BIN3: variants seen among roughly 807,000 people sequenced by gnomAD.
BIN3 encodes bridging integrator 3.
In BIN3, 41 loss-of-function variants were observed where a neutral mutation model predicts 38.2. The observed-to-expected ratio is 1.07, with a 90% confidence interval of 0.84 to 1.39. The LOEUF (loss-of-function observed/expected upper bound fraction) is 1.39, where lower values mean the gene tolerates loss of function less well. BIN3 is among the 40% of genes most tolerant of loss of function. The pLI, the probability that BIN3 is intolerant of heterozygous loss-of-function variation, is 0.00. For synonymous variants in BIN3, 145 were observed against 122.6 expected, an observed-to-expected ratio of 1.18 and a Z score of -1.21; for missense variants, 361 against 324.3, an observed-to-expected ratio of 1.11 and a Z score of -0.87.
chr8:22,626,925 C>G (rs1396683697), intron 6 of BIN3, among the ~76,000 whole-genome samples: 1 of 152,154 alleles, frequency 6.6e-6, no homozygotes, highest in African/African-American at 2.4e-5. Flanking sequence ...AGCGGAGTGC[C>G]GAGCGGGGGT....
chr8:22,650,645 C>T (rs1802861235), intron 1 of BIN3, among the ~76,000 whole-genome samples: 1 of 152,204 alleles, frequency 6.6e-6, no homozygotes. Context: ...ACTCCCTAAT[C>T]TCATTTGCCA....
At chr8:22,624,140 C>T (rs1585175747) in intron 7 of BIN3, 82 bp downstream of exon 7, 7 of 1,587,388 alleles carry the variant, frequency 4.4e-6, no homozygotes, top group East Asian at 2.2e-5. Context: ...GTCTTGGTGC[C>T]CCCAGGTGAG....
Position 22,621,170 on chromosome 8 carries a change from G to T in BIN3, c.*252C>A. 2.0e-6 allele frequency: 1 copy of T among 509,838 alleles called. No homozygotes were observed. 31.6% of individuals were successfully genotyped at this position (509,838 alleles called of 1,614,324 possible). On this transcript the variant is annotated 3_prime_UTR_variant, in exon 9 of 9. Coordinates refer to ENST00000276416, the MANE Select transcript of BIN3 (RefSeq NM_018688.6). ...AGGCCGTGGGCCAGGATGCATGCTG[G>T]ACGGTTCTCCAAATAAAAAAGCCCC... is the stretch of plus-strand genomic sequence containing the variant.
At position 22,623,908 on chromosome 8, in the gene BIN3, G is replaced by A. The variant is rs1285852431; in HGVS notation, c.615+7C>T. ...AAGCCCAGGGGAAGAGCACCTGGCG[G>A]CCTCACCTGAGCTCGGATGAGGGAC... On this transcript the variant is annotated splice_region_variant and intron_variant, in intron 8 of 8. Coordinates refer to ENST00000276416, the MANE Select transcript of BIN3 (RefSeq NM_018688.6). 3 of 1,610,938 alleles carry A rather than the reference G, an allele frequency of 1.9e-6. No individual in the cohort carries two copies. Among genetic ancestry groups the A allele is most frequent in the East Asian group, 4.5e-5 (2 of 44,828 alleles).
intron 1 of BIN3, among the ~76,000 whole-genome samples, chr8:22,667,509 T>A (rs1371698293): frequency 6.6e-6 from 1 of 152,162 alleles, no homozygotes; most frequent in Non-Finnish European, 1.5e-5. Flanking sequence ...CTCCAAAGAT[T>A]CAAGACGCAG....
chr8:22,631,180 G>A (rs1349066065), intron 4 of BIN3, among the ~76,000 whole-genome samples: 1 of 152,114 alleles, frequency 6.6e-6, no homozygotes, highest in East Asian at 1.9e-4. Flanking sequence ...GTCAGATTAG[G>A]CCAGCAGCTG....
chr8:22,640,676 G>A lies in BIN3; in HGVS notation c.58-3714C>T, dbSNP rs571121521. Among the ~76,000 whole-genome samples, 13 of 152,318 alleles carry A rather than the reference G, an allele frequency of 8.5e-5. No individual in the cohort carries two copies. The East Asian group carries it at 2.1e-3, about 25-fold the overall frequency. ...TGCTGAGTGTTAGCTGAACCCCGGG[G>A]CCCTAGCCTTTGGCTCCCTTCCTCC... On this transcript the variant is annotated intron_variant, in intron 2 of 8. Transcript: ENST00000276416.
intron 1 of BIN3, 50 bp downstream of exon 1, chr8:22,668,994 C>T: frequency 6.4e-7 from 1 of 1,557,342 alleles, no homozygotes; most frequent in South Asian, 1.2e-5. Context: ...GGGCCAGGGG[C>T]CTCGCGGGTC....
intron 4 of BIN3, chr8:22,634,473 T>C: frequency 2.2e-6 from 1 of 456,266 alleles, no homozygotes; most frequent in Non-Finnish European, 4.4e-6. Context: ...TTGTGATCAG[T>C]GCTTTGTAGG....
chr8:22,625,746 C>T (rs1457985908), intron 6 of BIN3: 6 of 221,952 alleles, frequency 2.7e-5, no homozygotes, highest in Admixed American at 4.7e-5. Context: ...TGCCACTACG[C>T]CCAGCTAATT....
intron 6 of BIN3, chr8:22,624,893 G>A: frequency 4.6e-6 from 1 of 219,512 alleles, no homozygotes; most frequent in Non-Finnish European, 9.2e-6. Flanking sequence ...GAACACAGGT[G>A]TCCACATTCT....
chr8:22,644,881 C>T (rs774627805), intron 1 of BIN3, 78 bp from the exon 2 acceptor site: 1 of 1,299,834 alleles, frequency 7.7e-7, no homozygotes. Flanking sequence ...ACAGTACAGG[C>T]CACTTTCCCC....
intron 2 of BIN3, 46 bp from the exon 3 acceptor site, chr8:22,637,008 G>T (rs1454951626): frequency 1.1e-5 from 18 of 1,588,542 alleles, no homozygotes; most frequent in Non-Finnish European, 1.5e-5. Context: ...TGACAACACG[G>T]TGGAAAAAAC....
intron 4 of BIN3, among the ~76,000 whole-genome samples, chr8:22,633,938 G>C (rs1305905593): frequency 6.6e-6 from 1 of 152,240 alleles, no homozygotes; most frequent in Admixed American, 6.5e-5. Flanking sequence ...GGACAGTAGT[G>C]TTAGGCTTCT....
intron 2 of BIN3, among the ~76,000 whole-genome samples, chr8:22,641,877 T>C (rs556466104): frequency 6.6e-6 from 1 of 152,278 alleles, no homozygotes; most frequent in South Asian, 2.1e-4. Context: ...TGGCGGCTTC[T>C]TCCTACGCTA....
At position 22,638,845 on chromosome 8, in the gene BIN3, CAG is replaced by C. The variant is rs1802451514; in HGVS notation, c.58-1885_58-1884del. 2.0e-5 allele frequency among the ~76,000 whole-genome samples: 3 copies of C among 152,348 alleles called. 1 individual carries two copies. In the South Asian group the frequency reaches 6.2e-4, roughly 32 times the overall value. On this transcript the variant is annotated intron_variant, in intron 2 of 8. Transcript: ENST00000276416. Reference sequence around the variant, plus strand: ...CTACAATCTTTCTTCCTCTTTTCAACAGACTCTTTCTCCATCCAGGAACCCAC... The same window carrying C: ...CTACAATCTTTCTTCCTCTTTTCAACACTCTTTCTCCATCCAGGAACCCAC...
At chr8:22,646,873 T>G (rs1802728791) in intron 1 of BIN3, among the ~76,000 whole-genome samples, 1 of 147,590 alleles carries the variant, frequency 6.8e-6, no homozygotes, top group South Asian at 2.1e-4. Context: ...CAAGGACCAT[T>G]CTGGAGACAG....
At position 22,621,485 on chromosome 8, in the gene BIN3, C is replaced by G. The variant is rs766426655; in HGVS notation, c.699G>C (p.Arg233=). The G allele has an allele frequency of 6.2e-7, 1 of 1,613,960 alleles. No individual in the cohort carries two copies. The highest frequency in any genetic ancestry group is 8.5e-7 in the Non-Finnish European group (1 of 1,179,886). Reference sequence around the variant, plus strand: ...TGAGTTTGGCCTCGTTCTCCCGCTCCCGCTGCTCATCGGAGTGGCCTGGCT... The same window carrying G: ...TGAGTTTGGCCTCGTTCTCCCGCTCGCGCTGCTCATCGGAGTGGCCTGGCT... ...LDQPGHSDEQ[R]ERENEAKLSE... Residue 233 remains arginine (R), a synonymous_variant, in exon 9 of 9, where the codon CGG becomes CGC. Coordinates refer to ENST00000276416, the MANE Select transcript of BIN3 (RefSeq NM_018688.6).
At chr8:22,637,978 T>G (rs1054752038) in intron 2 of BIN3, among the ~76,000 whole-genome samples, 1 of 152,038 alleles carries the variant, frequency 6.6e-6, no homozygotes, top group Non-Finnish European at 1.5e-5. Context: ...AGGGGTAGAG[T>G]TGAGCACAGT....
Sources: gnomAD v4.1 joint callset for allele counts (sites outside exome capture counted in the v4.1 genomes callset) on GRCh38, gnomAD v4.1.1 for gene constraint, MANE v1.5 for transcripts, NCBI Gene and HGNC (gene_info 2026-07-23, HGNC 2026-07-21) for gene names.